The following DPH6 variants were observed in gnomAD, a reference collection of about 807,000 sequenced individuals.
DPH6 encodes diphthine--ammonia ligase.
A neutral mutation model predicts 38.2 loss-of-function variants in DPH6; 33 were observed. The observed-to-expected ratio is 0.86, with a 90% CI of 0.65 to 1.15. The LOEUF is 1.15. DPH6 is among the 50% of genes most tolerant of loss of function. The pLI is 0.00. For missense variants in DPH6, 325 were observed against 320.0 expected (o/e 1.02, Z -0.12); for synonymous variants, 108 against 103.0 (o/e 1.05, Z -0.30).
At chr15:35,358,059 C>G (rs2052581752) in intron 3 of DPH6, among the ~76,000 whole-genome samples, 1 of 152,164 alleles carries the variant, frequency 6.6e-6, no homozygotes, top group African/African-American at 2.4e-5. Flanking sequence ...TCCCAGGCTT[C>G]TTGGAGGCTT....
chr15:35,365,309 C>G (rs1750452307), intron 3 of DPH6, among the ~76,000 whole-genome samples: 1 of 152,078 alleles, frequency 6.6e-6, no homozygotes, highest in South Asian at 2.1e-4. Flanking sequence ...CCATAGAATA[C>G]AAGCTCCATG....
chr15:35,237,929 G>A (rs2051567209), intron 3 of DPH6: 3 of 1,353,042 alleles, frequency 2.2e-6, no homozygotes, highest in Admixed American at 1.7e-5. Flanking sequence ...CGTGAGTGGA[G>A]AGGAGGAGGA....
intron 3 of DPH6, among the ~76,000 whole-genome samples, chr15:35,490,727 T>C (rs2054464863): frequency 6.6e-6 from 1 of 152,174 alleles, no homozygotes. Context: ...TGGAAGAATG[T>C]GATGTCTGAC....
chr15:35,263,258 G>A (rs1452993458), intron 3 of DPH6, among the ~76,000 whole-genome samples: 7 of 152,080 alleles, frequency 4.6e-5, no homozygotes, highest in African/African-American at 1.7e-4. Context: ...ACCCTCCAGT[G>A]AGACTTTATA....
In DPH6 at chr15:35,435,087, G is replaced by C. The variant is rs147208430; in HGVS notation, c.505+15598C>G. Among the ~76,000 whole-genome samples the C allele has an allele frequency of 7.8e-4, 118 of 151,858 alleles. 1 individual carries two copies. Among genetic ancestry groups the C allele is most frequent in the African/African-American group, 2.8e-3 (115 of 41,428 alleles). ...CTATGCCTGGTCACTAATGAGTTTT[G>C]GTGAGTTAAGTAATACTGTATTGTT... On this transcript the variant is annotated intron_variant, in intron 5 of 8. Transcript: ENST00000256538.
chr15:35,420,579 C>T (rs1001479380), intron 5 of DPH6, among the ~76,000 whole-genome samples: 3 of 152,076 alleles, frequency 2.0e-5, no homozygotes, highest in African/African-American at 4.8e-5. Context: ...TGCAGTGGCA[C>T]GACCTCAGCC....
rs922630987 is a variant in DPH6, at chr15:35,318,554, G to A, written n.200+54967C>T. ...AATCAGTTTCCAAAATTGATTGTGT[G>A]CTAGGCCATAAAGCAAGCCTCAATG... is the stretch of plus-strand genomic sequence containing the variant. On this transcript the variant is annotated intron_variant and non_coding_transcript_variant, in intron 3 of 3. Coordinates refer to the DPH6 transcript ENST00000560386. Among the ~76,000 whole-genome samples, 4 of 152,114 alleles carry A rather than the reference G, an allele frequency of 2.6e-5. No homozygotes were observed. The East Asian group carries it at 7.7e-4, about 29-fold the overall frequency.
the DPH6 span, among the ~76,000 whole-genome samples, chr15:35,185,598 T>C: frequency 6.6e-6 from 1 of 151,854 alleles, no homozygotes; most frequent in Non-Finnish European, 1.5e-5. Context: ...GCAGTGGACC[T>C]TTCAGATAGT....
At chr15:35,378,915 T>C (rs2052822021) in intron 7 of DPH6, among the ~76,000 whole-genome samples, 1 of 152,182 alleles carries the variant, frequency 6.6e-6, no homozygotes, top group African/African-American at 2.4e-5. Flanking sequence ...ATGGCACGTG[T>C]ATACCTACGT....
At chr15:35,533,004 G>A (rs1595449136) in intron 3 of DPH6, among the ~76,000 whole-genome samples, 1 of 152,076 alleles carries the variant, frequency 6.6e-6, no homozygotes, top group South Asian at 2.1e-4. Context: ...CTACTCAGGA[G>A]GCTGAAGCAG....
chr15:35,173,776 A>T, the DPH6 span, among the ~76,000 whole-genome samples: 1 of 152,236 alleles, frequency 6.6e-6, no homozygotes, highest in South Asian at 2.1e-4. Context: ...TCTCTGTTCC[A>T]TTGATACCGA....
chr15:35,158,187 C>T, the DPH6 span, among the ~76,000 whole-genome samples: 1 of 147,212 alleles, frequency 6.8e-6, no homozygotes, highest in African/African-American at 2.5e-5. Context: ...GCATCATGGT[C>T]CCTCTCTCAA....
chr15:35,391,120 T>C (rs1297670074), intron 6 of DPH6, among the ~76,000 whole-genome samples: 2 of 152,216 alleles, frequency 1.3e-5, no homozygotes, highest in Non-Finnish European at 2.9e-5. Flanking sequence ...CAGACCCTAT[T>C]TGCCTGGGTA....
downstream of DPH6, among the ~76,000 whole-genome samples, chr15:35,327,660 C>A (rs571775221): frequency 1.3e-5 from 2 of 152,122 alleles, no homozygotes; most frequent in Non-Finnish European, 2.9e-5. Flanking sequence ...AGCAAGTGAG[C>A]GAAGTGAAAG....
the DPH6 span, among the ~76,000 whole-genome samples, chr15:35,192,071 G>C: frequency 1.3e-5 from 2 of 152,174 alleles, no homozygotes; most frequent in African/African-American, 4.8e-5. Flanking sequence ...GTAACACGAT[G>C]GTTGTGATCT....
At chr15:35,356,582 A>G (rs1214941839) in intron 3 of DPH6, among the ~76,000 whole-genome samples, 1 of 152,198 alleles carries the variant, frequency 6.6e-6, no homozygotes, top group Non-Finnish European at 1.5e-5. Context: ...TCAGCAGTGG[A>G]GCCTGCAGAG....
At chr15:35,316,361 A>C (rs1223785479) in intron 3 of DPH6, among the ~76,000 whole-genome samples, 1 of 152,188 alleles carries the variant, frequency 6.6e-6, no homozygotes, top group Non-Finnish European at 1.5e-5. Flanking sequence ...CATGTGATTA[A>C]TATGTCAAAA....
chr15:35,203,020 C>G, the DPH6 span, among the ~76,000 whole-genome samples: 2 of 151,864 alleles, frequency 1.3e-5, no homozygotes, highest in East Asian at 3.9e-4. Flanking sequence ...CTAAAAAAAT[C>G]TGTTGTGGTA....
At chr15:35,382,454 C>CACAT (rs1198869986) in intron 6 of DPH6, among the ~76,000 whole-genome samples, 1 of 151,734 alleles carries the variant, frequency 6.6e-6, no homozygotes, top group East Asian at 1.9e-4. Flanking sequence ...AAACAAAACA[C>CACAT]ACACACACAC....
Sources: gnomAD v4.1 joint callset for allele counts (sites outside exome capture counted in the v4.1 genomes callset) on GRCh38, gnomAD v4.1.1 for gene constraint, MANE v1.5 for transcripts, NCBI Gene and HGNC (gene_info 2026-07-23, HGNC 2026-07-21) for gene names.